The following PPP4R3B variants were observed in gnomAD, a reference collection of about 807,000 sequenced individuals.
PPP4R3B encodes protein phosphatase 4 regulatory subunit 3B.
PPP4R3B carries 52 observed loss-of-function variants against 95.4 expected under a neutral mutation model. That is an observed-to-expected ratio of 0.54 (90% CI 0.44 to 0.69). PPP4R3B has a LOEUF of 0.69. Among genes scored for constraint, PPP4R3B ranks in the 30% least tolerant of loss-of-function variants. The probability of loss-of-function intolerance (pLI) is 0.00; values close to 1 mark genes in which losing one functional copy is unlikely to be tolerated. For missense variants in PPP4R3B, 1,003 were observed against 1,005.9 expected (o/e 1.00, Z 0.04); for synonymous variants, 407 against 343.9 (o/e 1.18, Z -2.03).
Position 55,573,713 on chromosome 2 carries a change from A to T in PPP4R3B, c.1671T>A (p.His557Gln). 6.5e-7 allele frequency: 1 copy of T among 1,545,424 alleles called. No individual in the cohort carries two copies. Among genetic ancestry groups the T allele is most frequent in the Non-Finnish European group, 8.7e-7 (1 of 1,144,954 alleles). Residue 557 changes from histidine (H) to glutamine (Q), a missense_variant, in exon 12 of 17, where the codon CAT becomes CAA. Physicochemically the swap from His to Gln is conservative, Grantham distance 24. Around this residue, in one of 3 missense-constraint regions of PPP4R3B, gnomAD observed 695 missense variants for 686.2 expected, o/e 1.01. Transcript: ENST00000616407. ...ILELLTFCVE[H>Q]HTYHIKNYIM... ...TATAGTTTTTTATGTGATATGTGTG[A>T]TGTTCCACACAAAATGTGAGTAACT...
chr2:55,569,148 G>A (rs1687659344), intron 12 of PPP4R3B, among the ~76,000 whole-genome samples: 1 of 152,156 alleles, frequency 6.6e-6, no homozygotes, highest in Non-Finnish European at 1.5e-5. Flanking sequence ...GGAGCTGAGG[G>A]TACATACTGA....
chr2:55,585,617 A>G (rs1690032777), intron 6 of PPP4R3B, among the ~76,000 whole-genome samples: 1 of 152,178 alleles, frequency 6.6e-6, no homozygotes, highest in African/African-American at 2.4e-5. Flanking sequence ...CTCACCTAAT[A>G]GAGCATGCTT....
intron 16 of PPP4R3B, among the ~76,000 whole-genome samples, chr2:55,554,912 GT>G (rs1368453394): frequency 3.3e-5 from 5 of 152,124 alleles, no homozygotes; most frequent in African/African-American, 9.7e-5. Flanking sequence ...TTTGAGAGGA[GT>G]TTTGGATATG....
intron 7 of PPP4R3B, among the ~76,000 whole-genome samples, chr2:55,581,911 AAAG>A (rs60379480): frequency 0.041 from 6,285 of 152,014 alleles, 167 homozygotes; most frequent in South Asian, 0.081. Context: ...GAGAAAAAAA[AAAG>A]AAGAAGGAGG....
chr2:55,589,816 T>G (rs1163649710), intron 4 of PPP4R3B, among the ~76,000 whole-genome samples: 1 of 149,604 alleles, frequency 6.7e-6, no homozygotes, highest in Non-Finnish European at 1.5e-5. Context: ...CCTGGGAGGC[T>G]GAGGCAGGAG....
At chr2:55,608,709 A>G (rs1388150420) in intron 2 of PPP4R3B, among the ~76,000 whole-genome samples, 2 of 152,222 alleles carry the variant, frequency 1.3e-5, no homozygotes, top group East Asian at 3.8e-4. Context: ...ACTTGGCTGG[A>G]TATGGAGGCT....
Position 55,598,503 on chromosome 2 carries a change from G to A in PPP4R3B, c.834C>T (p.Pro278=), listed in dbSNP as rs756489578. 1.2e-6 allele frequency: 2 copies of A among 1,614,104 alleles called. No individual in the cohort carries two copies. Among genetic ancestry groups the A allele is most frequent in the Admixed American group, 3.3e-5 (2 of 60,010 alleles). ...RVQYIQDIIL[P]TPSVFEENFL... ...AATTCTCTTCAAAAACAGATGGTGT[G>A]GGCAAAATGATGTCCTGAATGTACT... Residue 278 remains proline, a synonymous_variant, in exon 4 of 17, where the codon CCC becomes CCT. Coordinates refer to ENST00000616407, the MANE Select transcript of PPP4R3B (RefSeq NM_001122964.3).
At chr2:55,571,980 T>C (rs1199146038) in intron 12 of PPP4R3B, among the ~76,000 whole-genome samples, 3 of 152,244 alleles carry the variant, frequency 2.0e-5, no homozygotes, top group African/African-American at 7.2e-5. Flanking sequence ...AACAAAAGTA[T>C]ATATATGTTA....
intron 12 of PPP4R3B, among the ~76,000 whole-genome samples, chr2:55,569,232 T>G (rs774559681): frequency 6.6e-6 from 1 of 152,088 alleles, no homozygotes; most frequent in Admixed American, 6.5e-5. Context: ...TCTGGGAAGA[T>G]GCCCGTTGCC....
chr2:55,617,041 C>A, intron 1 of PPP4R3B, 103 bp downstream of exon 1: 1 of 1,364,236 alleles, frequency 7.3e-7, no homozygotes, highest in South Asian at 1.5e-5. Flanking sequence ...AACCAACGCG[C>A]TGTCCCGAAG....
chr2:55,589,692 G>T (rs1690688992), intron 4 of PPP4R3B, among the ~76,000 whole-genome samples: 1 of 151,820 alleles, frequency 6.6e-6, no homozygotes, highest in African/African-American at 2.4e-5. Context: ...GAGGCGGGCG[G>T]ATCACGAGGT....
intron 4 of PPP4R3B, among the ~76,000 whole-genome samples, chr2:55,594,992 G>C (rs934270522): frequency 6.6e-6 from 1 of 150,510 alleles, no homozygotes; most frequent in Non-Finnish European, 1.5e-5. Context: ...GTCAGAGATA[G>C]AATCTCAATT....
intron 2 of PPP4R3B, among the ~76,000 whole-genome samples, chr2:55,609,148 T>G (rs959415035): frequency 6.6e-6 from 1 of 152,316 alleles, no homozygotes; most frequent in South Asian, 2.1e-4. Flanking sequence ...GAGGTTACCT[T>G]GTAGCTAAAA....
chr2:55,562,635 T>C (rs1163753321), intron 15 of PPP4R3B, among the ~76,000 whole-genome samples: 3 of 152,200 alleles, frequency 2.0e-5, no homozygotes, highest in Non-Finnish European at 2.9e-5. Flanking sequence ...TCTTAGGTAG[T>C]TCTTTTTAAC....
At chr2:55,569,199 T>C (rs1016670405) in intron 12 of PPP4R3B, among the ~76,000 whole-genome samples, 3 of 152,160 alleles carry the variant, frequency 2.0e-5, no homozygotes, top group African/African-American at 7.2e-5. Flanking sequence ...AGAGGGCTCC[T>C]TGGTCTAGCG....
intron 2 of PPP4R3B, among the ~76,000 whole-genome samples, chr2:55,604,882 CAGACT>C (rs1335340058): frequency 6.6e-6 from 1 of 151,958 alleles, no homozygotes; most frequent in Non-Finnish European, 1.5e-5. Flanking sequence ...GCTCTGTGAC[CAGACT>C]AGAGTGTAGG....
In PPP4R3B at chr2:55,617,525, C is replaced by T; in HGVS notation, c.-240G>A. ...TCACCCGCGCATACACCCACTCTCCCGTCTCTTTGCCCCCCAGGGCTCGCT... is the reference window on the plus strand; with the variant it reads ...TCACCCGCGCATACACCCACTCTCCTGTCTCTTTGCCCCCCAGGGCTCGCT... On this transcript the variant is annotated 5_prime_UTR_variant, in exon 1 of 17. Coordinates refer to ENST00000616407, the MANE Select transcript of PPP4R3B (RefSeq NM_001122964.3). 2.4e-6 allele frequency: 1 copy of T among 412,728 alleles called. No individual in the cohort carries two copies. Among genetic ancestry groups the T allele is most frequent in the Non-Finnish European group, 4.3e-6 (1 of 232,310 alleles). 25.6% of individuals were successfully genotyped at this position (412,728 alleles called of 1,614,324 possible).
At chr2:55,576,892 A>G (rs1196360523) in intron 11 of PPP4R3B, among the ~76,000 whole-genome samples, 1 of 152,176 alleles carries the variant, frequency 6.6e-6, no homozygotes, top group Non-Finnish European at 1.5e-5. Flanking sequence ...GTAGGTGCAC[A>G]CAGCACATGT....
intron 13 of PPP4R3B, among the ~76,000 whole-genome samples, chr2:55,565,282 T>C (rs1181753134): frequency 1.3e-5 from 2 of 149,436 alleles, no homozygotes; most frequent in African/African-American, 5.0e-5. Flanking sequence ...GAAAAGTAAA[T>C]AGATTTATTT....
Sources: allele counts gnomAD v4.1 joint callset (sites outside exome capture counted in the v4.1 genomes callset), GRCh38; gene constraint gnomAD v4.1.1; regional missense constraint gnomAD v4.1.1; transcripts MANE v1.5; gene names NCBI Gene and HGNC (gene_info 2026-07-23, HGNC 2026-07-21).